Variants in LRP1B observed in about 807,000 individuals in gnomAD.
The protein encoded by LRP1B is low-density lipoprotein receptor-related protein 1B.
Under a neutral mutation model 556.6 loss-of-function variants are expected in LRP1B, and 217 were observed. The observed-to-expected ratio is 0.39, with a 90% CI of 0.35 to 0.44. LRP1B has a LOEUF of 0.44. Among genes scored for constraint, LRP1B ranks in the 20% least tolerant of loss-of-function variants. The pLI, the probability that LRP1B is intolerant of heterozygous loss-of-function variation, is 1.00. For missense variants in LRP1B, 5,053 were observed against 5,620.8 expected (o/e 0.90, Z 3.23); for synonymous variants, 2,047 against 1,865.8 (o/e 1.10, Z -2.50).
At chr2:140,871,243 T>A (rs1233992276) in intron 25 of LRP1B, among the ~76,000 whole-genome samples, 1 of 152,168 alleles carries the variant, frequency 6.6e-6, no homozygotes, top group Non-Finnish European at 1.5e-5. Context: ...TAGTACACAT[T>A]TGTTGGGAAC....
intron 1 of LRP1B, among the ~76,000 whole-genome samples, chr2:141,811,048 C>T (rs897079537): frequency 1.3e-5 from 2 of 151,794 alleles, no homozygotes; most frequent in Admixed American, 6.6e-5. Flanking sequence ...GTGACTAAAA[C>T]GTCTGCTATT....
In LRP1B at chr2:140,844,838, A is replaced by G. The variant is rs193058470; in HGVS notation, c.4940-3746T>C. 2.6e-5 allele frequency among the ~76,000 whole-genome samples: 4 copies of G among 152,324 alleles called. No homozygotes were observed. The East Asian group carries it at 7.7e-4, about 29-fold the overall frequency. ...ACTCAACATGCTAACACACACTCAC[A>G]CATTAGCTAAAACTATCAAGGAAAA... On this transcript the variant is annotated intron_variant, in intron 29 of 90. Transcript: ENST00000389484.
chr2:141,032,826 C>CATACATACATACATATATATATATATAT, intron 11 of LRP1B, among the ~76,000 whole-genome samples: 3 of 126,612 alleles, frequency 2.4e-5, no homozygotes, highest in Non-Finnish European at 5.0e-5. Context: ...TATATACATA[C>CATACATACATACATATATATATATATAT]ATATATATAT....
chr2:141,438,575 G>A (rs1038825282), intron 3 of LRP1B, among the ~76,000 whole-genome samples: 2 of 152,094 alleles, frequency 1.3e-5, no homozygotes, highest in Non-Finnish European at 2.9e-5. Context: ...AGCTAAAAGG[G>A]ATGGCATCTC....
chr2:140,783,841 C>A (rs1315200685), intron 32 of LRP1B, among the ~76,000 whole-genome samples: 2 of 152,172 alleles, frequency 1.3e-5, no homozygotes, highest in African/African-American at 4.8e-5. Context: ...GATTACCCCC[C>A]AGGACACTGA....
At chr2:140,748,037 T>TGA (rs1314986022) in intron 35 of LRP1B, among the ~76,000 whole-genome samples, 3 of 144,598 alleles carry the variant, frequency 2.1e-5, no homozygotes, top group Non-Finnish European at 4.5e-5. Flanking sequence ...ACAGCAGATG[T>TGA]GATACCAAGA....
intron 41 of LRP1B, among the ~76,000 whole-genome samples, chr2:140,657,582 T>TATAC (rs1423649204): frequency 2.1e-5 from 1 of 47,330 alleles, no homozygotes. Flanking sequence ...CATACATATA[T>TATAC]ATACATACAT....
At chr2:141,675,921 G>C (rs1245206317) in intron 2 of LRP1B, among the ~76,000 whole-genome samples, 1 of 151,884 alleles carries the variant, frequency 6.6e-6, no homozygotes, top group African/African-American at 2.4e-5. Context: ...TAAAGAAACT[G>C]AGGCTTGGAG....
intron 2 of LRP1B, among the ~76,000 whole-genome samples, chr2:141,674,406 GTCT>G (rs1337764920): frequency 6.6e-6 from 1 of 151,878 alleles, no homozygotes; most frequent in Non-Finnish European, 1.5e-5. Context: ...CCCATCTCTT[GTCT>G]TCTTAAGACC....
At chr2:141,315,307 T>G (rs1023454850) in intron 3 of LRP1B, among the ~76,000 whole-genome samples, 1 of 113,460 alleles carries the variant, frequency 8.8e-6, no homozygotes, top group Non-Finnish European at 1.6e-5. Context: ...TCGCCCAGGG[T>G]GGAGTGCAGT....
At chr2:140,481,488 CAG>C (rs1688237095) in intron 59 of LRP1B, among the ~76,000 whole-genome samples, 1 of 151,668 alleles carries the variant, frequency 6.6e-6, no homozygotes, top group African/African-American at 2.4e-5. Flanking sequence ...CTATGTTTCT[CAG>C]AGACTCTGGA....
intron 11 of LRP1B, among the ~76,000 whole-genome samples, chr2:141,032,992 C>T (rs1376267489): frequency 1.7e-4 from 26 of 151,796 alleles, no homozygotes; most frequent in Non-Finnish European, 5.9e-5. Context: ...CAGCAAGGGG[C>T]CAGGCAGCAA....
chr2:141,228,663 G>T (rs779561268), intron 6 of LRP1B, among the ~76,000 whole-genome samples: 11 of 151,952 alleles, frequency 7.2e-5, no homozygotes, highest in Non-Finnish European at 1.5e-4. Context: ...GAGAAGGACA[G>T]TCTGTCAAGT....
At chr2:140,684,076 C>A (rs1310868984) in intron 41 of LRP1B, among the ~76,000 whole-genome samples, 1 of 152,008 alleles carries the variant, frequency 6.6e-6, no homozygotes, top group African/African-American at 2.4e-5. Flanking sequence ...TTTAATAATA[C>A]CAATGAGGAT....
intron 6 of LRP1B, among the ~76,000 whole-genome samples, chr2:141,193,353 G>A (rs563172264): frequency 2.0e-5 from 3 of 151,980 alleles, no homozygotes; most frequent in South Asian, 2.1e-4. Context: ...AATGCTCATC[G>A]TGACTGATTG....
intron 2 of LRP1B, among the ~76,000 whole-genome samples, chr2:141,653,711 G>C (rs550285749): frequency 1.3e-5 from 2 of 152,276 alleles, no homozygotes; most frequent in East Asian, 3.9e-4. Flanking sequence ...ATTACACTCA[G>C]ATGGCGGTGC....
At chr2:140,435,428 C>T (rs535677456) in intron 66 of LRP1B, among the ~76,000 whole-genome samples, 154 of 152,182 alleles carry the variant, frequency 1.0e-3, no homozygotes, top group Non-Finnish European at 1.7e-3. Context: ...TGACTCAATT[C>T]CTTTTAAAAA....
At position 140,868,146 on chromosome 2, in the gene LRP1B, T is replaced by C. The variant is rs774083325; in HGVS notation, c.4287A>G (p.Gly1429=). The C allele has an allele frequency of 3.7e-6, 6 of 1,611,174 alleles. No homozygotes were observed. In the East Asian group the frequency reaches 1.3e-4, roughly 36 times the overall value. ...KDMKTGAWPN[G]LTVDHFEKRI... ...TTTTCTCAAAGTGGTCCACAGTTAGTCCATTAGGCCAAGCCCCAGTTTTCA... is the reference window on the plus strand; with the variant it reads ...TTTTCTCAAAGTGGTCCACAGTTAGCCCATTAGGCCAAGCCCCAGTTTTCA... Residue 1429 remains glycine (G), a synonymous_variant, in exon 26 of 91, where the codon GGA becomes GGG. Transcript: ENST00000389484.
At chr2:141,091,910 C>G (rs545960927) in intron 7 of LRP1B, among the ~76,000 whole-genome samples, 2 of 152,148 alleles carry the variant, frequency 1.3e-5, no homozygotes, top group Non-Finnish European at 2.9e-5. Flanking sequence ...TTTGATTTAA[C>G]CCATCACCAC....
Sources: gnomAD v4.1 joint callset for allele counts (sites outside exome capture counted in the v4.1 genomes callset) on GRCh38, gnomAD v4.1.1 for gene constraint, MANE v1.5 for transcripts, NCBI Gene and HGNC (gene_info 2026-07-23, HGNC 2026-07-21) for gene names.